The following CAST variants were observed in gnomAD, a reference collection of about 807,000 sequenced individuals.
CAST encodes calpastatin.
In CAST, 76 loss-of-function variants were observed where a neutral mutation model predicts 119.6. That is an observed-to-expected ratio of 0.64 (90% CI 0.53 to 0.77). The LOEUF (loss-of-function observed/expected upper bound fraction) is 0.77, where lower values mean the gene tolerates loss of function less well. Among genes scored for constraint, CAST ranks in the 30% least tolerant of loss-of-function variants. The pLI is 0.00. For missense variants in CAST, 953 were observed against 946.5 expected (o/e 1.01, Z -0.09); for synonymous variants, 319 against 331.6 (o/e 0.96, Z 0.41).
At chr5:96,662,858 C>T (rs1209890757) in intron 1 of CAST, 3 of 564,904 alleles carry the variant, frequency 5.3e-6, no homozygotes, top group Non-Finnish European at 9.3e-6. Context: ...GGGATGTAGT[C>T]TTCCGCGCTA....
chr5:96,067,363 G>T, the CAST span, among the ~76,000 whole-genome samples: 1 of 152,052 alleles, frequency 6.6e-6, no homozygotes, highest in Non-Finnish European at 1.5e-5. Flanking sequence ...ATGCAATGTG[G>T]ATATGGCTCA....
intron 1 of CAST, among the ~76,000 whole-genome samples, chr5:96,619,761 G>A (rs1747559557): frequency 6.6e-6 from 1 of 150,538 alleles, no homozygotes; most frequent in Non-Finnish European, 1.5e-5. Flanking sequence ...CTCACCGCGA[G>A]GGTCCGTGGC....
the CAST span, among the ~76,000 whole-genome samples, chr5:96,515,010 C>A: frequency 6.6e-6 from 1 of 152,146 alleles, no homozygotes; most frequent in Admixed American, 6.5e-5. Context: ...CCTGTCCTCC[C>A]TAAGTGCTGG....
chr5:96,497,410 G>A, the CAST span, among the ~76,000 whole-genome samples: 1 of 152,104 alleles, frequency 6.6e-6, no homozygotes, highest in Non-Finnish European at 1.5e-5. Flanking sequence ...GGTATTTCTA[G>A]TTGTAGATCC....
the CAST span, among the ~76,000 whole-genome samples, chr5:96,166,659 T>C: frequency 7.9e-5 from 12 of 152,156 alleles, 1 homozygote; most frequent in Admixed American, 7.9e-4. Flanking sequence ...CTAATGAATA[T>C]ACAAATCTAG....
chr5:96,086,676 T>TGAGG, the CAST span, among the ~76,000 whole-genome samples: 95,222 of 151,472 alleles, frequency 0.63, 29,944 homozygotes, highest in South Asian at 0.68. Flanking sequence ...CCAGAGAGGC[T>TGAGG]GTTAGATGTC....
At chr5:95,968,756 T>C in the CAST span, among the ~76,000 whole-genome samples, 1 of 152,212 alleles carries the variant, frequency 6.6e-6, no homozygotes, top group African/African-American at 2.4e-5. Flanking sequence ...GATCTTTGCA[T>C]CTGTTATGGC....
chr5:96,733,871 C>T (rs1357771002), intron 9 of CAST, among the ~76,000 whole-genome samples: 2 of 152,104 alleles, frequency 1.3e-5, no homozygotes, highest in African/African-American at 4.8e-5. Context: ...GAGTGAAACA[C>T]TGTCTCAAAA....
At chr5:96,215,245 C>G in the CAST span, 5 of 151,574 alleles carry the variant, frequency 3.3e-5, no homozygotes, top group African/African-American at 1.2e-4. Context: ...ATTGAGAACT[C>G]CAAAGAACTT....
At chr5:96,613,318 A>C (rs1747395594) in intron 1 of CAST, among the ~76,000 whole-genome samples, 1 of 152,178 alleles carries the variant, frequency 6.6e-6, no homozygotes, top group African/African-American at 2.4e-5. Context: ...ACATGGTTTC[A>C]TCTCTCCTTT....
At chr5:96,694,407 G>A (rs1458175447) in intron 2 of CAST, among the ~76,000 whole-genome samples, 1 of 152,202 alleles carries the variant, frequency 6.6e-6, no homozygotes, top group Non-Finnish European at 1.5e-5. Flanking sequence ...GGAGGCTGAG[G>A]CAGGCAGATC....
At chr5:96,425,470 G>T in the CAST span, among the ~76,000 whole-genome samples, 1 of 152,090 alleles carries the variant, frequency 6.6e-6, no homozygotes, top group African/African-American at 2.4e-5. Flanking sequence ...TGCTTTAAAG[G>T]GTTCTGAAGA....
chr5:96,647,471 T>G (rs1748028793), intron 1 of CAST, among the ~76,000 whole-genome samples: 1 of 152,188 alleles, frequency 6.6e-6, no homozygotes, highest in South Asian at 2.1e-4. Context: ...TCACTTTTTA[T>G]GATTAGATCA....
the CAST span, among the ~76,000 whole-genome samples, chr5:96,246,861 A>G: frequency 3.2e-4 from 49 of 152,234 alleles, no homozygotes; most frequent in African/African-American, 1.2e-3. Context: ...AGTAATTAAT[A>G]GAGGTTCTAG....
intron 3 of CAST, chr5:96,702,992 C>T (rs1754167343): frequency 2.1e-6 from 2 of 958,458 alleles, no homozygotes; most frequent in Non-Finnish European, 2.5e-6. Context: ...CGGCTACCTG[C>T]CCTGCGTGTC....
the CAST span, among the ~76,000 whole-genome samples, chr5:96,448,074 A>ATCTC: frequency 6.6e-6 from 1 of 152,138 alleles, no homozygotes; most frequent in African/African-American, 2.4e-5. Context: ...AGGGACAAGA[A>ATCTC]TCAGCTCAGG....
chr5:96,433,608 G>C, the CAST span, among the ~76,000 whole-genome samples: 59 of 152,184 alleles, frequency 3.9e-4, no homozygotes, highest in African/African-American at 1.2e-3. Context: ...TGGCGGGGAG[G>C]GGGGGAGGCT....
At chr5:96,178,598 A>AT in the CAST span, among the ~76,000 whole-genome samples, 1 of 152,144 alleles carries the variant, frequency 6.6e-6, no homozygotes, top group African/African-American at 2.4e-5. Context: ...TCTTTGCAGG[A>AT]TATTTCTCAG....
the CAST span, among the ~76,000 whole-genome samples, chr5:96,378,223 A>G: frequency 2.6e-5 from 4 of 152,158 alleles, no homozygotes; most frequent in Non-Finnish European, 4.4e-5. Flanking sequence ...CAGTTATACA[A>G]AATGAATAAA....
Sources: gnomAD v4.1 joint callset for allele counts (sites outside exome capture counted in the v4.1 genomes callset) on GRCh38, gnomAD v4.1.1 for gene constraint, MANE v1.5 for transcripts, NCBI Gene and HGNC (gene_info 2026-07-23, HGNC 2026-07-21) for gene names.